ANKS1B: variants seen among roughly 807,000 people sequenced by gnomAD.
The protein encoded by ANKS1B is ankyrin repeat and sterile alpha motif domain-containing protein 1B.
In ANKS1B, 36 loss-of-function variants were observed where a neutral mutation model predicts 148.3. The observed-to-expected ratio is 0.24, with a 90% confidence interval of 0.19 to 0.32. The LOEUF is 0.32. ANKS1B is among the 10% of genes least tolerant of loss of function. The pLI is 1.00. For synonymous variants in ANKS1B, 542 were observed against 560.8 expected, an observed-to-expected ratio of 0.97 and a Z score of 0.47; for missense variants, 1,157 against 1,542.6, an observed-to-expected ratio of 0.75 and a Z score of 4.19.
chr12:98,832,071 G>A lies in ANKS1B; in HGVS notation c.2844C>T (p.His948=), dbSNP rs374794796. ...RILASLGDRL[H]DDPPQKPPRS... ...GAGGGGGCTTCTGTGGGGGATCGTCGTGCAGCCTGTCTCCCAGAGATGCCA... is the reference window on the plus strand; with the variant it reads ...GAGGGGGCTTCTGTGGGGGATCGTCATGCAGCCTGTCTCCCAGAGATGCCA... The change falls in exon 18 of 27, where the codon CAC becomes CAT. Residue 948 remains histidine, a synonymous_variant. Transcript: ENST00000683438. 31 of 1,598,470 alleles carry A rather than the reference G, an allele frequency of 1.9e-5. 1 individual carries two copies. The highest frequency in any genetic ancestry group is 3.4e-5 in the South Asian group (3 of 87,670).
At chr12:99,781,108 T>C (rs1433500693) in intron 5 of ANKS1B, among the ~76,000 whole-genome samples, 1 of 150,744 alleles carries the variant, frequency 6.6e-6, no homozygotes, top group African/African-American at 2.4e-5. Flanking sequence ...GTCCCAAATG[T>C]TAGTTCATTG....
chr12:99,470,646 TA>T (rs1233853680), intron 10 of ANKS1B, among the ~76,000 whole-genome samples: 2 of 152,192 alleles, frequency 1.3e-5, no homozygotes, highest in African/African-American at 4.8e-5. Flanking sequence ...AATTTTATGC[TA>T]ACAAGAGTGT....
chr12:99,323,671 T>C (rs1400593649), intron 12 of ANKS1B, among the ~76,000 whole-genome samples: 1 of 152,252 alleles, frequency 6.6e-6, no homozygotes, highest in Non-Finnish European at 1.5e-5. Flanking sequence ...GTGTTAATTC[T>C]TATGGCTTGT....
chr12:99,472,960 A>C (rs73147331), intron 10 of ANKS1B, among the ~76,000 whole-genome samples: 300 of 152,188 alleles, frequency 2.0e-3, no homozygotes, highest in Non-Finnish European at 3.5e-3. Flanking sequence ...ATATTCTTCT[A>C]AGAGCATGTC....
chr12:98,827,794 G>A (rs148440020), intron 19 of ANKS1B, among the ~76,000 whole-genome samples: 1 of 152,218 alleles, frequency 6.6e-6, no homozygotes, highest in East Asian at 1.9e-4. Flanking sequence ...CTTACCCAGG[G>A]AAGAAATGGG....
chr12:99,925,938 A>T (rs2094468291), intron 1 of ANKS1B, among the ~76,000 whole-genome samples: 1 of 151,426 alleles, frequency 6.6e-6, no homozygotes, highest in South Asian at 2.1e-4. Flanking sequence ...AATAGCTGTT[A>T]TCTTTGAAGA....
Position 99,928,271 on chromosome 12 carries a change from A to AT in ANKS1B, c.134+55832dup, listed in dbSNP as rs763106581. Among the ~76,000 whole-genome samples the AT allele has an allele frequency of 2.2e-3, 222 of 99,110 alleles. 2 individuals are homozygous for AT. The highest frequency in any genetic ancestry group is 4.3e-3 in the African/African-American group (104 of 24,408). The allele number at this position is 99,110 out of a possible 152,430, so 65.0% of individuals were successfully genotyped here. Reference sequence around the variant, plus strand: ...ACCACCTATTATTTTATTTTATTTTATTTTTTTTTTTTTTTTTTGAGACGG... The same window carrying AT: ...ACCACCTATTATTTTATTTTATTTTATTTTTTTTTTTTTTTTTTTGAGACGG... On this transcript the variant is annotated intron_variant, in intron 1 of 26. Coordinates refer to ENST00000683438, the MANE Select transcript of ANKS1B (RefSeq NM_001352186.2).
chr12:99,608,688 A>T (rs1006040652), intron 9 of ANKS1B, among the ~76,000 whole-genome samples: 1 of 152,082 alleles, frequency 6.6e-6, no homozygotes, highest in Non-Finnish European at 1.5e-5. Context: ...CATGACTCTT[A>T]GGGAAGACAC....
intron 1 of ANKS1B, among the ~76,000 whole-genome samples, chr12:99,867,807 T>C (rs1316965484): frequency 6.6e-6 from 1 of 152,180 alleles, no homozygotes; most frequent in East Asian, 1.9e-4. Flanking sequence ...TTGTTGTTGT[T>C]GTTGTTGTTT....
chr12:98,769,003 T>G (rs547808479), intron 25 of ANKS1B, among the ~76,000 whole-genome samples: 2 of 152,016 alleles, frequency 1.3e-5, no homozygotes, highest in Non-Finnish European at 2.9e-5. Flanking sequence ...CTTGATGATA[T>G]CAGATAAAAA....
intron 15 of ANKS1B, among the ~76,000 whole-genome samples, chr12:99,152,793 T>A (rs1049842103): frequency 3.9e-5 from 6 of 152,098 alleles, no homozygotes; most frequent in African/African-American, 7.2e-5. Flanking sequence ...GATATTGAAA[T>A]GTACAGTAAA....
At chr12:99,288,464 C>T (rs1432369496) in intron 12 of ANKS1B, among the ~76,000 whole-genome samples, 1 of 152,072 alleles carries the variant, frequency 6.6e-6, no homozygotes, top group Non-Finnish European at 1.5e-5. Context: ...AATAAGAAAA[C>T]ATCTGAACAT....
chr12:99,839,690 A>G (rs1445584765), intron 1 of ANKS1B, among the ~76,000 whole-genome samples: 6 of 152,184 alleles, frequency 3.9e-5, no homozygotes, highest in African/African-American at 1.2e-4. Context: ...CAACGCTATC[A>G]AATGAGTACT....
At chr12:98,742,107 TG>T (rs1452467794), downstream of ANKS1B, among the ~76,000 whole-genome samples, 2 of 152,260 alleles carry the variant, frequency 1.3e-5, no homozygotes, top group African/African-American at 4.8e-5. Context: ...TAGCAGGGCT[TG>T]GAACATGCAT....
intron 2 of ANKS1B, among the ~76,000 whole-genome samples, chr12:99,812,528 C>A (rs1454292625): frequency 1.2e-5 from 1 of 84,822 alleles, no homozygotes. Context: ...CACACACACA[C>A]ACACACACAC....
intron 9 of ANKS1B, among the ~76,000 whole-genome samples, chr12:99,628,770 G>A (rs986136217): frequency 2.0e-5 from 3 of 152,142 alleles, no homozygotes; most frequent in Non-Finnish European, 4.4e-5. Flanking sequence ...TCACAATGGT[G>A]AGAGAGCAAG....
chr12:99,070,902 C>T (rs1001873515), intron 16 of ANKS1B, among the ~76,000 whole-genome samples: 18 of 152,060 alleles, frequency 1.2e-4, no homozygotes, highest in Admixed American at 9.2e-4. Context: ...TTCCCTCACG[C>T]GATCCTCCTG....
At chr12:99,196,600 G>T (rs1317322148) in intron 14 of ANKS1B, among the ~76,000 whole-genome samples, 3 of 150,806 alleles carry the variant, frequency 2.0e-5, no homozygotes, top group Non-Finnish European at 4.4e-5. Context: ...TTTTTTGTTT[G>T]TTTTTGTTTT....
Position 99,864,645 on chromosome 12 carries a change from T to A in ANKS1B, c.135-39256A>T, listed in dbSNP as rs143307203. Among the ~76,000 whole-genome samples, 13 of 152,332 alleles carry A rather than the reference T, an allele frequency of 8.5e-5. No individual in the cohort carries two copies. The East Asian group carries it at 2.3e-3, about 27-fold the overall frequency. On this transcript the variant is annotated intron_variant, in intron 1 of 26. Coordinates refer to ENST00000683438, the MANE Select transcript of ANKS1B (RefSeq NM_001352186.2). ...ATAGGACTGGGGTCTGAATTCAGAT[T>A]CTGCAATTGCCAGCTGTCTGATTTG...
Sources: allele counts gnomAD v4.1 joint callset (sites outside exome capture counted in the v4.1 genomes callset), GRCh38; gene constraint gnomAD v4.1.1; transcripts MANE v1.5; gene names NCBI Gene and HGNC (gene_info 2026-07-23, HGNC 2026-07-21).